FARS2: variants seen among roughly 807,000 people sequenced by gnomAD.
FARS2 encodes the protein phenylalanyl-tRNA synthetase 2, mitochondrial.
In FARS2, 40 loss-of-function variants were observed where a neutral mutation model predicts 46.4. That is an observed-to-expected ratio of 0.86 (90% CI 0.67 to 1.12). The LOEUF (loss-of-function observed/expected upper bound fraction) is 1.12, where lower values mean the gene tolerates loss of function less well. Ranked by LOEUF, FARS2 falls within the 50% of genes most tolerant of loss-of-function variation. The pLI is 0.00. For synonymous variants in FARS2, 234 were observed against 214.9 expected (o/e 1.09, Z -0.78); for missense variants, 513 against 567.9 (o/e 0.90, Z 0.98).
At chr6:5,252,342 G>A in the FARS2 span, among the ~76,000 whole-genome samples, 1 of 152,194 alleles carries the variant, frequency 6.6e-6, no homozygotes, top group Non-Finnish European at 1.5e-5. Context: ...CAATCAAGTT[G>A]CTTCTCCTCT....
At chr6:5,493,079 G>A (rs752001362) in intron 4 of FARS2, among the ~76,000 whole-genome samples, 3 of 151,602 alleles carry the variant, frequency 2.0e-5, no homozygotes, top group Admixed American at 6.6e-5. Flanking sequence ...CTTATTGGCC[G>A]GTGCCTGTAA....
intron 6 of FARS2, among the ~76,000 whole-genome samples, chr6:5,769,618 AAAAG>A (rs773018410): frequency 6.6e-6 from 1 of 152,198 alleles, no homozygotes; most frequent in East Asian, 1.9e-4. Flanking sequence ...GCTGGACTGA[AAAAG>A]AAAGAGCCAG....
intron 6 of FARS2, among the ~76,000 whole-genome samples, chr6:5,616,275 AC>A (rs1390905741): frequency 6.6e-6 from 1 of 152,182 alleles, no homozygotes; most frequent in African/African-American, 2.4e-5. Flanking sequence ...TCAGCCCTGG[AC>A]TTTTATGTGA....
chr6:5,467,702 A>G (rs1765587056), intron 4 of FARS2, among the ~76,000 whole-genome samples: 2 of 152,178 alleles, frequency 1.3e-5, no homozygotes, highest in African/African-American at 2.4e-5. Flanking sequence ...AAGTTTTATT[A>G]TCATCATTAC....
Position 5,461,297 on chromosome 6 carries a change from C to A in FARS2, c.904+30125C>A, listed in dbSNP as rs574875384. On this transcript the variant is annotated intron_variant, in intron 4 of 6. Coordinates refer to ENST00000274680, the MANE Select transcript of FARS2 (RefSeq NM_006567.5). ...TCAGGTGATCCACCCACCTTGGCCTCCCAAAGTGCGGAGATTACAGGCATG... is the reference window on the plus strand; with the variant it reads ...TCAGGTGATCCACCCACCTTGGCCTACCAAAGTGCGGAGATTACAGGCATG... 2.6e-5 allele frequency among the ~76,000 whole-genome samples: 4 copies of A among 152,272 alleles called. No homozygotes were observed. The East Asian group carries it at 7.7e-4, about 29-fold the overall frequency.
At chr6:5,295,947 G>T (rs1245775540) in intron 1 of FARS2, among the ~76,000 whole-genome samples, 1 of 152,110 alleles carries the variant, frequency 6.6e-6, no homozygotes, top group Non-Finnish European at 1.5e-5. Flanking sequence ...AGCTACAAAG[G>T]TGGGAAGGTA....
rs112512000 is a variant in FARS2, at chr6:5,539,285, C to A, written c.905-5895C>A. ...GCAGTGGCACGATCTCGGCTCACTG[C>A]AAGCTCTGCCTCCCTGGTTCACGCC... On this transcript the variant is annotated intron_variant, in intron 4 of 6. Transcript: ENST00000274680. Among the ~76,000 whole-genome samples, 1,003 of 150,576 alleles carry A rather than the reference C, an allele frequency of 6.7e-3. 9 individuals carry two copies. Among genetic ancestry groups the A allele is most frequent in the African/African-American group, 0.023 (952 of 40,724 alleles).
chr6:5,619,997 C>T (rs959061914), intron 6 of FARS2, among the ~76,000 whole-genome samples: 6 of 152,076 alleles, frequency 3.9e-5, no homozygotes, highest in East Asian at 3.9e-4. Context: ...TCCATATGTG[C>T]GCATCAGACG....
chr6:5,717,908 C>CTA (rs58922507), intron 6 of FARS2, among the ~76,000 whole-genome samples: 1,228 of 77,622 alleles, frequency 0.016, 15 homozygotes, highest in South Asian at 0.037. Context: ...AAGGTATCAG[C>CTA]TATATATATA....
intron 6 of FARS2, among the ~76,000 whole-genome samples, chr6:5,724,569 A>C (rs776531738): frequency 6.6e-6 from 1 of 152,182 alleles, no homozygotes; most frequent in Non-Finnish European, 1.5e-5. Flanking sequence ...AACTCCTCTC[A>C]TGACTGTGCC....
At chr6:5,769,866 C>G (rs1762944897) in intron 6 of FARS2, among the ~76,000 whole-genome samples, 1 of 152,176 alleles carries the variant, frequency 6.6e-6, no homozygotes, top group South Asian at 2.1e-4. Context: ...TGAGGCACAG[C>G]ATAGCAGCTT....
At chr6:5,685,095 C>T (rs2150843268) in intron 6 of FARS2, among the ~76,000 whole-genome samples, 1 of 152,262 alleles carries the variant, frequency 6.6e-6, no homozygotes, top group Admixed American at 6.5e-5. Flanking sequence ...AGGCAGGAGG[C>T]TCTTCACAGC....
chr6:5,494,972 A>G (rs757451354), intron 4 of FARS2, among the ~76,000 whole-genome samples: 2 of 152,170 alleles, frequency 1.3e-5, no homozygotes, highest in Admixed American at 6.5e-5. Context: ...ATGTTGGCCT[A>G]TTTCAGGGGT....
In FARS2 at chr6:5,728,807, G is replaced by A. The variant is rs142232448; in HGVS notation, c.1218-42484G>A. Among the ~76,000 whole-genome samples the A allele has an allele frequency of 2.7e-3, 405 of 152,290 alleles. 2 individuals are homozygous for A. The highest frequency in any genetic ancestry group is 3.9e-3 in the Non-Finnish European group (262 of 68,024). ...TCTCCCGATGTGAGCTGTGGATTTGGGTGAAACTTTCCTCTCTCAGCCACT... is the reference window on the plus strand; with the variant it reads ...TCTCCCGATGTGAGCTGTGGATTTGAGTGAAACTTTCCTCTCTCAGCCACT... On this transcript the variant is annotated intron_variant, in intron 6 of 6. Transcript: ENST00000274680.
rs372744573 is a variant in FARS2 at position 5,771,460 on chromosome 6, T to C, written c.*31T>C. The C allele has an allele frequency of 1.9e-6, 3 of 1,586,692 alleles. No individual in the cohort carries two copies. The highest frequency in any genetic ancestry group is 2.7e-5 in the African/African-American group (2 of 73,398). On this transcript the variant is annotated 3_prime_UTR_variant, in exon 7 of 7. Coordinates refer to ENST00000274680, the MANE Select transcript of FARS2 (RefSeq NM_006567.5). ...CCACTTCACTCAGGCTGCAGCCCTC[T>C]TGGGGCTCCAGGATTTGCTGAAAGA...
intron 6 of FARS2, among the ~76,000 whole-genome samples, chr6:5,715,305 C>T (rs1266568574): frequency 1.3e-5 from 2 of 152,114 alleles, no homozygotes; most frequent in African/African-American, 4.8e-5. Context: ...GTACCCCTGC[C>T]CACACCCTCC....
rs764897456 is a variant in FARS2, at chr6:5,359,029, C to CTTTTTTTTT, written c.-21-9521_-21-9520insTTTTTTTTT. ...TCGAATTATAGTGATGAAAAGATAC[C>CTTTTTTTTT]CTTTTTTTTTTTTTTTTTTTTTTTT... is the stretch of plus-strand genomic sequence containing the variant. On this transcript the variant is annotated intron_variant, in intron 1 of 6. Coordinates refer to ENST00000274680, the MANE Select transcript of FARS2 (RefSeq NM_006567.5). 2.2e-3 allele frequency among the ~76,000 whole-genome samples: 158 copies of CTTTTTTTTT among 72,530 alleles called. 55 individuals carry two copies. Among genetic ancestry groups the CTTTTTTTTT allele is most frequent in the African/African-American group, 5.3e-3 (116 of 22,054 alleles). The allele number at this position is 72,530 out of a possible 152,430, so 47.6% of individuals were successfully genotyped here.
intron 2 of FARS2, among the ~76,000 whole-genome samples, chr6:5,398,133 G>T (rs1761019087): frequency 6.6e-6 from 1 of 152,090 alleles, no homozygotes. Flanking sequence ...AATAGTGTTT[G>T]CAGGAAGATA....
intron 4 of FARS2, among the ~76,000 whole-genome samples, chr6:5,515,995 A>T (rs1768765094): frequency 6.6e-6 from 1 of 152,226 alleles, no homozygotes; most frequent in Non-Finnish European, 1.5e-5. Flanking sequence ...CTGCTGCAAC[A>T]GAAAAAACAT....
Sources: allele counts gnomAD v4.1 joint callset (sites outside exome capture counted in the v4.1 genomes callset), GRCh38; gene constraint gnomAD v4.1.1; transcripts MANE v1.5; gene names NCBI Gene and HGNC (gene_info 2026-07-23, HGNC 2026-07-21).